The following PARD3B variants were observed in gnomAD, a reference collection of about 807,000 sequenced individuals.
PARD3B encodes the protein partitioning defective 3 homolog B.
In PARD3B, 103 loss-of-function variants were observed where a neutral mutation model predicts 130.2. That is an observed-to-expected ratio of 0.79 (90% CI 0.67 to 0.93). The LOEUF (loss-of-function observed/expected upper bound fraction) is 0.93, where lower values mean the gene tolerates loss of function less well. PARD3B is among the 40% of genes least tolerant of loss of function. The pLI is 0.00. For missense variants in PARD3B, 1,609 were observed against 1,499.2 expected (o/e 1.07, Z -1.21); for synonymous variants, 583 against 553.2 (o/e 1.05, Z -0.76).
rs905084071 is a variant in PARD3B, at chr2:205,352,682, C to T, written c.2631-48331C>T. ...TTGGAGATAAACAGGTAGTATCAGG[C>T]GTCCATAGCCTTGCGTTTTACTCAC... is the stretch of plus-strand genomic sequence containing the variant. On this transcript the variant is annotated intron_variant, in intron 18 of 22. Coordinates refer to ENST00000406610, the MANE Select transcript of PARD3B (RefSeq NM_001302769.2). The surrounding 1 kb of genome is among the most constrained non-coding windows in gnomAD (Gnocchi z 5.2). 9.9e-5 allele frequency among the ~76,000 whole-genome samples: 15 copies of T among 152,226 alleles called. No homozygotes were observed. The highest frequency in any genetic ancestry group is 6.2e-4 in the South Asian group (3 of 4,818).
At chr2:205,007,813 A>G (rs536086338) in intron 3 of PARD3B, among the ~76,000 whole-genome samples, 1 of 152,280 alleles carries the variant, frequency 6.6e-6, no homozygotes, top group African/African-American at 2.4e-5. Context: ...TGATTCTCTC[A>G]TCCATGAACA....
chr2:205,213,716 T>G (rs2037767457), intron 15 of PARD3B, among the ~76,000 whole-genome samples: 1 of 152,162 alleles, frequency 6.6e-6, no homozygotes, highest in Non-Finnish European at 1.5e-5. Flanking sequence ...ACGCTCATAT[T>G]CACTTACCTG....
At position 205,291,823 on chromosome 2, in the gene PARD3B, C is replaced by G. The variant is rs1048358686; in HGVS notation, c.2186-8707C>G. On this transcript the variant is annotated intron_variant, in intron 16 of 22. Transcript: ENST00000406610. The surrounding 1 kb of genome is among the most constrained non-coding windows in gnomAD (Gnocchi z 4.6). ...TGGGAAAGAATACTAAGGATGTGGT[C>G]AAACAACTGTTTGATAAGGAGATTA... Among the ~76,000 whole-genome samples, 2 of 152,160 alleles carry G rather than the reference C, an allele frequency of 1.3e-5. No individual in the cohort carries two copies. Among genetic ancestry groups the G allele is most frequent in the Non-Finnish European group, 2.9e-5 (2 of 68,030 alleles).
At position 205,124,383 on chromosome 2, in the gene PARD3B, G is replaced by T; in HGVS notation, c.1222G>T (p.Gly408Cys). The change falls in exon 9 of 23, where the codon GGT (glycine) becomes TGT (cysteine). Residue 408 changes from glycine (G) to cysteine (C), a missense_variant. Physicochemically the swap from Gly to Cys is radical, Grantham distance 159 (BLOSUM62 -3). Coordinates refer to ENST00000406610, the MANE Select transcript of PARD3B (RefSeq NM_001302769.2). Reference protein sequence around the residue: ...VTRDSSIHGPGPIFVKNILPK... With the variant: ...VTRDSSIHGPCPIFVKNILPK... ...CAGAGACTCTTCCATACATGGTCCCGGTCCCATTTTTGTAAAAAACATTTT... is the reference window on the plus strand; with the variant it reads ...CAGAGACTCTTCCATACATGGTCCCTGTCCCATTTTTGTAAAAAACATTTT... The T allele has an allele frequency of 6.2e-7, 1 of 1,600,148 alleles. No individual in the cohort carries two copies.
chr2:205,039,976 G>C (rs371538060), intron 3 of PARD3B, among the ~76,000 whole-genome samples: 1 of 151,750 alleles, frequency 6.6e-6, no homozygotes, highest in Non-Finnish European at 1.5e-5. Flanking sequence ...GTGTTTGTTT[G>C]TTTTTGAGAC....
intron 1 of PARD3B, among the ~76,000 whole-genome samples, chr2:204,563,221 C>CTG (rs2031442134): frequency 1.2e-5 from 1 of 83,120 alleles, no homozygotes; most frequent in African/African-American, 6.6e-5. Context: ...CCCGCTGTCT[C>CTG]TCTCTCTCTC....
Position 204,673,424 on chromosome 2 carries a change from C to T in PARD3B, c.121-12757C>T, listed in dbSNP as rs1420129537. Among the ~76,000 whole-genome samples, 5 of 152,220 alleles carry T rather than the reference C, an allele frequency of 3.3e-5. No homozygotes were observed. Among genetic ancestry groups the T allele is most frequent in the African/African-American group, 1.2e-4 (5 of 41,458 alleles). ...AAGGGTAGAGAGGTGGTTACTACCA[C>T]TTGGTGTTTTTGCATCTCCACCAAG... On this transcript the variant is annotated intron_variant, in intron 1 of 22. Coordinates refer to ENST00000406610, the MANE Select transcript of PARD3B (RefSeq NM_001302769.2). This position sits in a 1 kb window ranked among gnomAD's most constrained non-coding sequence, Gnocchi z 4.7.
chr2:204,985,200 G>GT (rs1046481469), intron 3 of PARD3B, among the ~76,000 whole-genome samples: 11 of 151,518 alleles, frequency 7.3e-5, no homozygotes, highest in African/African-American at 2.7e-4. Flanking sequence ...CCTCCTGCCT[G>GT]TTTTTTCCCT....
intron 2 of PARD3B, among the ~76,000 whole-genome samples, chr2:204,935,104 C>T (rs1688314452): frequency 6.7e-6 from 1 of 148,942 alleles, no homozygotes; most frequent in Non-Finnish European, 1.5e-5. Flanking sequence ...GACTTTTTTA[C>T]TTTTTGTCCA....
chr2:205,168,062 A>T (rs1056537614), intron 11 of PARD3B, among the ~76,000 whole-genome samples: 2 of 152,160 alleles, frequency 1.3e-5, no homozygotes, highest in African/African-American at 4.8e-5. Flanking sequence ...ACCTCATACC[A>T]GGTTTTTTCG....
chr2:205,526,164 GT>G (rs1040930959), intron 21 of PARD3B, among the ~76,000 whole-genome samples: 1 of 152,194 alleles, frequency 6.6e-6, no homozygotes, highest in African/African-American at 2.4e-5. Flanking sequence ...CTGTTTCACA[GT>G]TTGTCCTAAT....
chr2:205,452,158 A>G (rs1002057102), intron 20 of PARD3B, among the ~76,000 whole-genome samples: 1 of 152,216 alleles, frequency 6.6e-6, no homozygotes, highest in Non-Finnish European at 1.5e-5. Flanking sequence ...GGGGCAATGT[A>G]GGATAGTTGA....
At position 205,029,037 on chromosome 2, in the gene PARD3B, A is replaced by AT. The variant is rs1220131767; in HGVS notation, c.395-18544_395-18543insT. On this transcript the variant is annotated intron_variant, in intron 3 of 22. Coordinates refer to ENST00000406610, the MANE Select transcript of PARD3B (RefSeq NM_001302769.2). ...ATGGCAAGAAACAAGAATATGAAGCAGGAAAGTGCTAAAATCTGATTTATT... is the reference window on the plus strand; with the variant it reads ...ATGGCAAGAAACAAGAATATGAAGCATGGAAAGTGCTAAAATCTGATTTATT... 4.6e-5 allele frequency among the ~76,000 whole-genome samples: 7 copies of AT among 152,292 alleles called. No individual in the cohort carries two copies. In the East Asian group the frequency reaches 1.4e-3, roughly 29 times the overall value.
intron 3 of PARD3B, among the ~76,000 whole-genome samples, chr2:205,000,107 C>T (rs927880594): frequency 1.3e-5 from 2 of 151,774 alleles, no homozygotes; most frequent in African/African-American, 4.8e-5. Context: ...TTGTGGCCTA[C>T]TCCTGAAACT....
intron 11 of PARD3B, among the ~76,000 whole-genome samples, chr2:205,168,819 T>A (rs1041184327): frequency 2.0e-5 from 3 of 152,202 alleles, no homozygotes; most frequent in African/African-American, 7.2e-5. Context: ...GTCTTTTTTT[T>A]CTTGAAGCAT....
intron 4 of PARD3B, among the ~76,000 whole-genome samples, chr2:205,060,245 G>A (rs112663161): frequency 6.6e-6 from 1 of 151,944 alleles, no homozygotes; most frequent in African/African-American, 2.4e-5. Flanking sequence ...TCATTTTATA[G>A]TCACTATTTT....
intron 2 of PARD3B, among the ~76,000 whole-genome samples, chr2:204,830,385 A>G (rs1343664757): frequency 2.6e-5 from 4 of 152,194 alleles, no homozygotes; most frequent in African/African-American, 9.6e-5. Context: ...CATAGGGCTG[A>G]TGCTGAAAAT....
rs368896234 is a variant in PARD3B at position 205,592,535 on chromosome 2, G to A, written c.3261-22921G>A. ...CTTACCATCACAGAGCTCACAGTTC[G>A]TTGGAGACACCAGAAAACAGGTGAT... On this transcript the variant is annotated intron_variant, in intron 22 of 22. Transcript: ENST00000406610. The surrounding 1 kb of genome is among the most constrained non-coding windows in gnomAD (Gnocchi z 4.5). Among the ~76,000 whole-genome samples the A allele has an allele frequency of 2.1e-4, 32 of 152,284 alleles. No homozygotes were observed. Among genetic ancestry groups the A allele is most frequent in the South Asian group, 8.3e-4 (4 of 4,824 alleles).
At chr2:205,275,385 T>C (rs1051051538) in intron 16 of PARD3B, among the ~76,000 whole-genome samples, 2 of 152,152 alleles carry the variant, frequency 1.3e-5, no homozygotes, top group African/African-American at 4.8e-5. Context: ...AAAATATTTA[T>C]CTAAGAGATT....
Sources: allele counts gnomAD v4.1 joint callset (sites outside exome capture counted in the v4.1 genomes callset), GRCh38; gene constraint gnomAD v4.1.1; non-coding constraint Gnocchi (gnomAD v3.1); transcripts MANE v1.5; gene names NCBI Gene and HGNC (gene_info 2026-07-23, HGNC 2026-07-21).